NEB: variants seen among roughly 807,000 people sequenced by gnomAD.
NEB encodes the protein nemaline myopathy type 2.
Under a neutral mutation model 952.2 loss-of-function variants are expected in NEB, and 512 were observed. The ratio of observed to expected loss-of-function variants is 0.54; its 90% CI spans 0.50 to 0.58. NEB has a LOEUF of 0.58. NEB is among the 20% of genes least tolerant of loss of function. The pLI is 0.00. For synonymous variants in NEB, 2,900 were observed against 3,149.8 expected (o/e 0.92, Z 2.66); for missense variants, 8,428 against 9,231.1 (o/e 0.91, Z 3.56).
At chr2:151,516,926 T>C (rs1213293571) in intron 156 of NEB, among the ~76,000 whole-genome samples, 1 of 152,232 alleles carries the variant, frequency 6.6e-6, no homozygotes, top group Non-Finnish European at 1.5e-5. Context: ...TTTAAAATTA[T>C]TAATGCTATT....
rs751223917 is a variant in NEB, at chr2:151,618,310, C to T, written c.11041G>A (p.Val3681Met). 39 of 1,613,610 alleles carry T rather than the reference C, an allele frequency of 2.4e-5. No homozygotes were observed. Among genetic ancestry groups the T allele is most frequent in the Non-Finnish European group, 3.1e-5 (37 of 1,179,792 alleles). ...TTTAAAGCATTGTTTTTTGCCAGCA[C>T]CTGCTCCGGAGTGTCCGTTATACTG... ...FTSITDTPEQ[V>M]LAKNNALNMN... The change falls in exon 74 of 182, where the codon GTG becomes ATG. Residue 3681 changes from valine to methionine, a missense_variant. Physicochemically the swap from Val to Met is conservative, Grantham distance 21 (BLOSUM62 1). Around this residue, in one of 11 missense-constraint regions of NEB, gnomAD observed 1,772 missense variants for 1,960.3 expected, o/e 0.90. Transcript: ENST00000397345.
At chr2:151,630,577 C>T in intron 67 of NEB, 138 bp downstream of exon 67, 1 of 637,240 alleles carries the variant, frequency 1.6e-6, no homozygotes, top group Non-Finnish European at 2.7e-6. Flanking sequence ...AATATTTAAC[C>T]CAGAGATGAA....
At chr2:151,705,679 CA>C (rs1474173250) in intron 13 of NEB, among the ~76,000 whole-genome samples, 1 of 152,086 alleles carries the variant, frequency 6.6e-6, no homozygotes, top group Non-Finnish European at 1.5e-5. Context: ...CCTGAGGGCC[CA>C]TCAACCAACG....
chr2:151,716,270 C>T, intron 10 of NEB: 1 of 308,646 alleles, frequency 3.2e-6, no homozygotes, highest in East Asian at 8.9e-5. Context: ...TCCCAAGTAG[C>T]TGAGATTACA....
Position 151,698,765 on chromosome 2 carries a change from G to A in NEB, c.1153-1117C>T, listed in dbSNP as rs563169928. ...CCATTCTCCTGCCTCAGCCTCCCGA[G>A]TAGCTGGGACTACAGGTGCCTGCCA... On this transcript the variant is annotated intron_variant, in intron 13 of 181. Coordinates refer to ENST00000397345, the MANE Select transcript of NEB (RefSeq NM_001164508.2). Among the ~76,000 whole-genome samples, 1,257 of 151,356 alleles carry A rather than the reference G, an allele frequency of 8.3e-3. 19 individuals are homozygous for A. Among genetic ancestry groups the A allele is most frequent in the African/African-American group, 0.029 (1,210 of 41,196 alleles).
rs764892870 is a variant in NEB, at chr2:151,490,015, G to C, written c.25360C>G (p.Gln8454Glu). The C allele has an allele frequency of 3.7e-6, 6 of 1,613,428 alleles. No homozygotes were observed. The highest frequency in any genetic ancestry group is 4.2e-6 in the Non-Finnish European group (5 of 1,179,528). The stretch of plus-strand genomic sequence containing the variant: ...GATGGGATGGAAGATACCGTTGTCT[G>C]TTGGGTAGCAACTGAAGATGATCGT... ...QQRSSSVATQ[Q>E]TTVSSIPSHP... Residue 8454 changes from glutamine to glutamate, a missense_variant, in exon 181 of 182, where the codon CAG (glutamine) becomes GAG (glutamate). This residue lies in a region of NEB where 3,374 missense variants were observed against 3,651.5 expected (regional missense o/e 0.92). Coordinates refer to ENST00000397345, the MANE Select transcript of NEB (RefSeq NM_001164508.2).
intron 9 of NEB, among the ~76,000 whole-genome samples, chr2:151,720,739 T>G (rs2099771949): frequency 6.6e-6 from 1 of 152,198 alleles, no homozygotes; most frequent in East Asian, 1.9e-4. Flanking sequence ...CTTCGCTGTT[T>G]GTTCCCTCAT....
intron 109 of NEB, 59 bp from the exon 110 acceptor site, chr2:151,569,431 T>A: frequency 7.9e-7 from 1 of 1,262,132 alleles, no homozygotes; most frequent in Non-Finnish European, 1.2e-6. Flanking sequence ...CTAGTTAGCC[T>A]ATCCATTGGT....
At position 151,518,299 on chromosome 2, in the gene NEB, T is replaced by C; in HGVS notation, c.22800+19A>G. The C allele has an allele frequency of 6.5e-7, 1 of 1,531,920 alleles. No homozygotes were observed. Among genetic ancestry groups the C allele is most frequent in the Non-Finnish European group, 9.0e-7 (1 of 1,105,476 alleles). The allele number at this position is 1,531,920 out of a possible 1,614,324, so 94.9% of individuals were successfully genotyped here. On this transcript the variant is annotated intron_variant, in intron 156 of 181. Transcript: ENST00000397345. ...GGATGAATGTGCGCCAGAGGAAAAA[T>C]CGGTCTTGATCCACTTACTATACTC... is the stretch of plus-strand genomic sequence containing the variant.
At chr2:151,632,108 A>G (rs1176533624) in intron 65 of NEB, among the ~76,000 whole-genome samples, 1 of 152,164 alleles carries the variant, frequency 6.6e-6, no homozygotes, top group Non-Finnish European at 1.5e-5. Flanking sequence ...TCAGGATGGA[A>G]GCACAGACAC....
At chr2:151,600,957 C>G (rs1385203747) in intron 88 of NEB, among the ~76,000 whole-genome samples, 1 of 44,106 alleles carries the variant, frequency 2.3e-5, no homozygotes, top group African/African-American at 1.4e-4. Context: ...GAGAGCATCT[C>G]TTAGGCAAGA....
In NEB at chr2:151,639,946, G is replaced by A. The variant is rs771598053; in HGVS notation, c.8800C>T (p.Arg2934Cys). ...ATEILSDKIY[R>C]QPPDRFKFTS... ...AATTTGAATCTGTCTGGAGGCTGGC[G>A]ATAGATTTTATCACTCAAAATTTCA... The change falls in exon 62 of 182, where the codon CGC (arginine) becomes TGC (cysteine). Residue 2934 changes from arginine to cysteine, a missense_variant. This residue lies in a region of NEB where 1,772 missense variants were observed against 1,960.3 expected (regional missense o/e 0.90). Coordinates refer to ENST00000397345, the MANE Select transcript of NEB (RefSeq NM_001164508.2). The A allele has an allele frequency of 3.6e-5, 58 of 1,613,814 alleles. No individual in the cohort carries two copies. The highest frequency in any genetic ancestry group is 2.3e-4 in the African/African-American group (17 of 74,908).
chr2:151,642,889 A>G lies in NEB; in HGVS notation c.8161-20T>C. ...GAGGCGCTAAGAGAAACAGAAAAAC[A>G]TGACTGGTATAGGCCAGTAATAAAT... is the stretch of plus-strand genomic sequence containing the variant. On this transcript the variant is annotated intron_variant, in intron 58 of 181. Coordinates refer to ENST00000397345, the MANE Select transcript of NEB (RefSeq NM_001164508.2). 6.4e-7 allele frequency: 1 copy of G among 1,554,352 alleles called. No individual in the cohort carries two copies. The highest frequency in any genetic ancestry group is 1.2e-5 in the South Asian group (1 of 86,946).
chr2:151,687,618 A>C lies in NEB; in HGVS notation c.2523+8T>G. ...GTCCAGGTCCCCAGGTCCCCAGGCCACACTCACATCGCTGGTGTTCTTGGT... is the reference window on the plus strand; with the variant it reads ...GTCCAGGTCCCCAGGTCCCCAGGCCCCACTCACATCGCTGGTGTTCTTGGT... On this transcript the variant is annotated splice_region_variant and intron_variant, in intron 26 of 181. Transcript: ENST00000397345. 6.2e-7 allele frequency: 1 copy of C among 1,613,432 alleles called. No homozygotes were observed. The highest frequency in any genetic ancestry group is 1.1e-5 in the South Asian group (1 of 91,032).
intron 56 of NEB, 96 bp from the exon 57 acceptor site, chr2:151,644,225 T>G: frequency 6.7e-7 from 1 of 1,490,568 alleles, no homozygotes; most frequent in Non-Finnish European, 9.1e-7. Flanking sequence ...AATATTTTAC[T>G]AAGCCTAGAG....
At chr2:151,672,129 G>A (rs2099308804) in intron 37 of NEB, among the ~76,000 whole-genome samples, 1 of 152,070 alleles carries the variant, frequency 6.6e-6, no homozygotes, top group South Asian at 2.1e-4. Flanking sequence ...CATAGTTAGT[G>A]GAATATAGTT....
chr2:151,536,093 A>C (rs1036492359), intron 141 of NEB, among the ~76,000 whole-genome samples: 2 of 152,168 alleles, frequency 1.3e-5, no homozygotes, highest in African/African-American at 4.8e-5. Context: ...TATTTTGTAG[A>C]GATGGGGTTT....
intron 162 of NEB, 69 bp from the exon 163 acceptor site, chr2:151,507,082 TATG>T (rs2069666261): frequency 1.0e-6 from 1 of 976,586 alleles, no homozygotes; most frequent in East Asian, 2.4e-5. Flanking sequence ...TGTCCTATAT[TATG>T]TGAAGAAAAT....
In NEB at chr2:151,619,809, T is replaced by A. The variant is rs570682789; in HGVS notation, c.10561-47A>T. 61 of 1,538,454 alleles carry A rather than the reference T, an allele frequency of 4.0e-5. No homozygotes were observed. The African/African-American group carries it at 5.8e-4, about 15-fold the overall frequency. On this transcript the variant is annotated intron_variant, in intron 72 of 181. Transcript: ENST00000397345. Reference sequence around the variant, plus strand: ...ATAAGAAGGAAGCACAAAGGGCTATTCCCTGTTGTTCTTTCTGTGGTGGTG... The same window carrying A: ...ATAAGAAGGAAGCACAAAGGGCTATACCCTGTTGTTCTTTCTGTGGTGGTG...
Sources: gnomAD v4.1 joint callset for allele counts (sites outside exome capture counted in the v4.1 genomes callset) on GRCh38, gnomAD v4.1.1 for gene constraint, gnomAD v4.1.1 regional missense constraint, MANE v1.5 for transcripts, NCBI Gene and HGNC (gene_info 2026-07-23, HGNC 2026-07-21) for gene names.